The following FAM227B variants were observed in gnomAD, a reference collection of about 807,000 sequenced individuals.
FAM227B encodes the protein family with sequence similarity 227 member B, also known as protein FAM227B.
In FAM227B, 88 loss-of-function variants were observed where a neutral mutation model predicts 73.8. The observed-to-expected ratio is 1.19, with a 90% CI of 1.00 to 1.42. FAM227B has a LOEUF of 1.42. FAM227B is among the 40% of genes most tolerant of loss of function. The pLI, the probability that FAM227B is intolerant of heterozygous loss-of-function variation, is 0.00. For missense variants in FAM227B, 632 were observed against 590.9 expected (o/e 1.07, Z -0.72); for synonymous variants, 210 against 190.5 (o/e 1.10, Z -0.84).
At chr15:49,449,337 AT>A (rs1458159577) in intron 11 of FAM227B, among the ~76,000 whole-genome samples, 1 of 152,046 alleles carries the variant, frequency 6.6e-6, no homozygotes. Context: ...ATACCTACAA[AT>A]TGTCCTCTAT....
intron 11 of FAM227B, among the ~76,000 whole-genome samples, chr15:49,468,382 T>C (rs1041656141): frequency 3.9e-5 from 6 of 152,198 alleles, no homozygotes; most frequent in African/African-American, 1.4e-4. Flanking sequence ...TGGGTTTCAG[T>C]AATAATTTAT....
intron 11 of FAM227B, among the ~76,000 whole-genome samples, chr15:49,433,224 C>T (rs2050772246): frequency 6.6e-6 from 1 of 151,634 alleles, no homozygotes; most frequent in Admixed American, 6.6e-5. Context: ...GCCCCAATTG[C>T]TTTTCTACCT....
chr15:49,614,656 T>TGG (rs2153340041), intron 2 of FAM227B: 1 of 153,926 alleles, frequency 6.5e-6, no homozygotes, highest in South Asian at 2.0e-4. Context: ...CCCAGAAAAC[T>TGG]AACCATCAGG....
intron 2 of FAM227B, among the ~76,000 whole-genome samples, chr15:49,611,899 C>G (rs180684871): frequency 6.6e-6 from 1 of 152,128 alleles, no homozygotes; most frequent in African/African-American, 2.4e-5. Context: ...CTATTTAACT[C>G]TTACTTCAAA....
At chr15:49,478,077 C>A (rs1440423950) in intron 11 of FAM227B, among the ~76,000 whole-genome samples, 1 of 152,150 alleles carries the variant, frequency 6.6e-6, no homozygotes, top group East Asian at 1.9e-4. Flanking sequence ...CTCATCTACT[C>A]CCCGCCAGTA....
intron 11 of FAM227B, among the ~76,000 whole-genome samples, chr15:49,395,485 A>T (rs2047516124): frequency 6.6e-6 from 1 of 152,208 alleles, no homozygotes; most frequent in Non-Finnish European, 1.5e-5. Flanking sequence ...ATCCCTTGAA[A>T]GCATCTACGG....
At chr15:49,373,595 C>G (rs1413970519) in intron 11 of FAM227B, among the ~76,000 whole-genome samples, 1 of 152,100 alleles carries the variant, frequency 6.6e-6, no homozygotes. Context: ...AGAAATTTCA[C>G]TAGTGAAAAA....
chr15:49,378,285 G>A (rs1049173603), intron 11 of FAM227B, among the ~76,000 whole-genome samples: 2 of 151,292 alleles, frequency 1.3e-5, no homozygotes, highest in Non-Finnish European at 3.0e-5. Context: ...GCTTAGGATA[G>A]CTTTGGTTTT....
At chr15:49,574,413 G>A (rs1367954722) in intron 8 of FAM227B, among the ~76,000 whole-genome samples, 2 of 152,154 alleles carry the variant, frequency 1.3e-5, no homozygotes, top group African/African-American at 4.8e-5. Context: ...CCCCCACGAT[G>A]TTCTCGTAAT....
intron 10 of FAM227B, among the ~76,000 whole-genome samples, chr15:49,530,772 C>A: frequency 6.6e-6 from 1 of 151,320 alleles, no homozygotes. Flanking sequence ...AGAATATTTC[C>A]CTTATTTGTA....
intron 9 of FAM227B, among the ~76,000 whole-genome samples, chr15:49,555,129 C>T (rs1320605942): frequency 1.3e-5 from 2 of 152,156 alleles, no homozygotes; most frequent in African/African-American, 4.8e-5. Flanking sequence ...GTGTTTTTAG[C>T]TGGTTATTAT....
At chr15:49,517,702 A>G (rs2059472132) in intron 10 of FAM227B, among the ~76,000 whole-genome samples, 1 of 152,192 alleles carries the variant, frequency 6.6e-6, no homozygotes, top group African/African-American at 2.4e-5. Flanking sequence ...CAAAAAATGA[A>G]CAAATCATAA....
intron 11 of FAM227B, among the ~76,000 whole-genome samples, chr15:49,410,338 C>T (rs1488989660): frequency 6.6e-6 from 1 of 152,158 alleles, no homozygotes. Context: ...CACGTTGTTT[C>T]ATGCTGCCTC....
chr15:49,402,840 A>G (rs953056463), intron 11 of FAM227B, among the ~76,000 whole-genome samples: 2 of 152,154 alleles, frequency 1.3e-5, no homozygotes, highest in African/African-American at 4.8e-5. Flanking sequence ...GTGAGAGTGG[A>G]TATCCTTGTG....
chr15:49,493,620 T>A (rs150835049), intron 11 of FAM227B, among the ~76,000 whole-genome samples: 7 of 152,108 alleles, frequency 4.6e-5, no homozygotes, highest in African/African-American at 1.4e-4. Context: ...TGTCAATCTA[T>A]GCCATTAATC....
intron 7 of FAM227B, among the ~76,000 whole-genome samples, chr15:49,575,344 C>A (rs2075380630): frequency 6.6e-6 from 1 of 151,726 alleles, no homozygotes; most frequent in Non-Finnish European, 1.5e-5. Flanking sequence ...TTTAAAATAT[C>A]ATTTCAACAT....
intron 11 of FAM227B, among the ~76,000 whole-genome samples, chr15:49,451,448 T>A (rs1469699779): frequency 2.0e-5 from 3 of 152,100 alleles, no homozygotes; most frequent in Non-Finnish European, 2.9e-5. Context: ...GACAGACATA[T>A]ATGTATATAT....
chr15:49,451,858 C>T (rs558146931), intron 11 of FAM227B, among the ~76,000 whole-genome samples: 52 of 152,120 alleles, frequency 3.4e-4, no homozygotes, highest in Admixed American at 3.0e-3. Context: ...CTAAGACCCA[C>T]TTTGTAATCT....
chr15:49,484,477 C>T (rs1228039862), intron 11 of FAM227B: 4 of 1,563,042 alleles, frequency 2.6e-6, no homozygotes, highest in Non-Finnish European at 3.4e-6. Flanking sequence ...AAAAAACAGC[C>T]CACTTTCTTC....
Sources: allele counts gnomAD v4.1 joint callset (sites outside exome capture counted in the v4.1 genomes callset), GRCh38; gene constraint gnomAD v4.1.1; transcripts MANE v1.5; gene names NCBI Gene and HGNC (gene_info 2026-07-23, HGNC 2026-07-21).